The following OGDH variants were observed in gnomAD, a reference collection of about 807,000 sequenced individuals.
OGDH encodes 2-oxoglutarate dehydrogenase complex component E1.
A neutral mutation model predicts 116.6 loss-of-function variants in OGDH; 38 were observed. The ratio of observed to expected loss-of-function variants is 0.33; its 90% CI spans 0.25 to 0.43. The LOEUF (loss-of-function observed/expected upper bound fraction) is 0.43, where lower values mean the gene tolerates loss of function less well. OGDH is among the 20% of genes least tolerant of loss of function. The pLI, the probability that OGDH is intolerant of heterozygous loss-of-function variation, is 1.00. For synonymous variants in OGDH, 488 were observed against 533.3 expected (o/e 0.92, Z 1.17); for missense variants, 825 against 1,357.2 (o/e 0.61, Z 6.16).
At chr7:44,698,586 C>T (rs1410432964) in intron 18 of OGDH, among the ~76,000 whole-genome samples, 3 of 152,032 alleles carry the variant, frequency 2.0e-5, no homozygotes, top group African/African-American at 7.2e-5. Flanking sequence ...GGTCTGGAAG[C>T]CCTGAGGAGG....
chr7:44,654,124 G>A (rs993233233), intron 4 of OGDH, among the ~76,000 whole-genome samples: 3 of 152,106 alleles, frequency 2.0e-5, no homozygotes. Context: ...CAAAGTGCTG[G>A]GATTATAGGC....
At chr7:44,696,324 A>G in intron 13 of OGDH, 105 bp from the exon 14 acceptor site, 1 of 1,403,928 alleles carries the variant, frequency 7.1e-7, no homozygotes. Flanking sequence ...AGTGTGAGCT[A>G]CATTGTCTCT....
rs867217765 is a variant in OGDH at position 44,617,877 on chromosome 7, A to C, written c.-27-6440A>C. 5.9e-4 allele frequency among the ~76,000 whole-genome samples: 90 copies of C among 151,936 alleles called. 1 individual carries two copies. Among genetic ancestry groups the C allele is most frequent in the African/African-American group, 2.1e-3 (86 of 41,394 alleles). On this transcript the variant is annotated intron_variant, in intron 1 of 22. Coordinates refer to ENST00000222673, the MANE Select transcript of OGDH (RefSeq NM_002541.4). ...TTTGCTAGGTCTTGCCTTTTTAATC[A>C]CCCCCCTACCTAGCCAATGTCATAT... is the stretch of plus-strand genomic sequence containing the variant.
chr7:44,681,012 G>C (rs1307097953), intron 9 of OGDH, among the ~76,000 whole-genome samples: 2 of 152,202 alleles, frequency 1.3e-5, no homozygotes, highest in Non-Finnish European at 2.9e-5. Flanking sequence ...CTTCCTTGCA[G>C]AGAATGCCAA....
chr7:44,675,719 A>G (rs1437546866), intron 8 of OGDH, among the ~76,000 whole-genome samples: 2 of 151,946 alleles, frequency 1.3e-5, no homozygotes, highest in Non-Finnish European at 2.9e-5. Flanking sequence ...CTCTACTAAA[A>G]ATACAAAATT....
At position 44,673,766 on chromosome 7, in the gene OGDH, G is replaced by A. The variant is rs375150420; in HGVS notation, c.634-21G>A. The A allele has an allele frequency of 1.9e-6, 3 of 1,613,740 alleles. No homozygotes were observed. In the African/African-American group the frequency reaches 4.0e-5, roughly 22 times the overall value. On this transcript the variant is annotated intron_variant, in intron 5 of 22. Coordinates refer to ENST00000222673, the MANE Select transcript of OGDH (RefSeq NM_002541.4). Reference sequence around the variant, plus strand: ...GGCCTGGTTAGAAATCCCCTTGACTGTGTGTTTCTGTATGGAATAGATGGC... The same window carrying A: ...GGCCTGGTTAGAAATCCCCTTGACTATGTGTTTCTGTATGGAATAGATGGC...
At chr7:44,681,596 T>C in intron 9 of OGDH, 124 bp from the exon 10 acceptor site, 1 of 1,367,156 alleles carries the variant, frequency 7.3e-7, no homozygotes, top group Non-Finnish European at 1.0e-6. Context: ...TCCTGCTACT[T>C]TCTATGTTTG....
intron 2 of OGDH, among the ~76,000 whole-genome samples, chr7:44,643,436 A>G (rs1786038824): frequency 6.6e-6 from 1 of 152,250 alleles, no homozygotes; most frequent in Admixed American, 6.5e-5. Flanking sequence ...AGTATTCCAC[A>G]AAACTCCCCT....
intron 2 of OGDH, among the ~76,000 whole-genome samples, chr7:44,628,077 G>A (rs1785278708): frequency 6.6e-6 from 1 of 152,220 alleles, no homozygotes; most frequent in South Asian, 2.1e-4. Context: ...TGGTCACGCA[G>A]CTTCAACAGC....
At chr7:44,670,529 TGTA>T (rs1043344978) in intron 5 of OGDH, among the ~76,000 whole-genome samples, 17 of 152,132 alleles carry the variant, frequency 1.1e-4, no homozygotes, top group African/African-American at 3.4e-4. Flanking sequence ...TCTGCAGAAA[TGTA>T]GTTTCTTCTG....
intron 4 of OGDH, among the ~76,000 whole-genome samples, chr7:44,657,066 A>G (rs1786723152): frequency 6.6e-6 from 1 of 152,232 alleles, no homozygotes; most frequent in Non-Finnish European, 1.5e-5. Context: ...AGATTATTAT[A>G]GATCCATATG....
intron 3 of OGDH, 184 bp from the exon 4 acceptor site, chr7:44,647,473 T>G (rs1293647507): frequency 1.3e-6 from 2 of 1,538,448 alleles, no homozygotes; most frequent in African/African-American, 2.7e-5. Flanking sequence ...CAAAACTTGA[T>G]CCTCTCGGAA....
chr7:44,615,571 ATTG>A (rs1453771611), intron 1 of OGDH, among the ~76,000 whole-genome samples: 1 of 152,134 alleles, frequency 6.6e-6, no homozygotes, highest in Non-Finnish European at 1.5e-5. Flanking sequence ...CAGTAGAGCA[ATTG>A]TTGTTTAAAA....
chr7:44,691,173 A>C (rs182586611), intron 10 of OGDH, among the ~76,000 whole-genome samples: 37 of 152,290 alleles, frequency 2.4e-4, no homozygotes, highest in African/African-American at 8.4e-4. Flanking sequence ...ACATACTTAG[A>C]AATTCCCTTC....
intron 1 of OGDH, among the ~76,000 whole-genome samples, chr7:44,607,365 A>G (rs956801420): frequency 6.6e-6 from 1 of 152,186 alleles, no homozygotes; most frequent in African/African-American, 2.4e-5. Flanking sequence ...CTGAGATTTA[A>G]TAGAAAACTT....
rs2116368276 is a variant in OGDH, at chr7:44,697,870, T to C, written c.2358+88T>C. The C allele has an allele frequency of 6.9e-7, 1 of 1,445,388 alleles. No individual in the cohort carries two copies. The highest frequency in any genetic ancestry group is 9.3e-7 in the Non-Finnish European group (1 of 1,079,974). The allele number at this position is 1,445,388 out of a possible 1,614,324, so 89.5% of individuals were successfully genotyped here. A position where few individuals can be genotyped will look rare whatever the true frequency, so the allele number is the denominator to read the frequency against. ...CCCCAAAGACTGGCACGAGAGCCAG[T>C]GGCTCACACCAGCCTCCTAAGGACT... is the stretch of plus-strand genomic sequence containing the variant. On this transcript the variant is annotated intron_variant, in intron 17 of 22. Transcript: ENST00000222673. The surrounding 1 kb of genome is among the most constrained non-coding windows in gnomAD (Gnocchi z 6.0).
chr7:44,666,788 C>T lies in OGDH; in HGVS notation c.570C>T (p.Thr190=), dbSNP rs758526984. The part of the protein sequence containing the change: ...SDLDKVFHLP[T]TTFIGGQESA... ...TCGACAAGGTCTTCCACTTGCCCAC[C>T]ACCACTTTCATCGGGGGACAGGAAT... The change falls in exon 5 of 23, where the codon ACC becomes ACT. Residue 190 remains threonine (T), a synonymous_variant. Transcript: ENST00000222673. 6.2e-7 allele frequency: 1 copy of T among 1,613,324 alleles called. No individual in the cohort carries two copies. The highest frequency in any genetic ancestry group is 1.1e-5 in the South Asian group (1 of 90,930).
At chr7:44,689,488 C>G (rs975801299) in intron 10 of OGDH, among the ~76,000 whole-genome samples, 1 of 148,552 alleles carries the variant, frequency 6.7e-6, no homozygotes, top group Non-Finnish European at 1.5e-5. Flanking sequence ...ATCCACCTGC[C>G]TCAGCCTCCC....
At chr7:44,678,782 G>T (rs912233573) in intron 9 of OGDH, among the ~76,000 whole-genome samples, 19 of 152,276 alleles carry the variant, frequency 1.2e-4, no homozygotes, top group African/African-American at 4.6e-4. Context: ...ACACCCATAG[G>T]ACATGATTTG....
Sources: gnomAD v4.1 joint callset for allele counts (sites outside exome capture counted in the v4.1 genomes callset) on GRCh38, gnomAD v4.1.1 for gene constraint, Gnocchi (gnomAD v3.1) non-coding constraint, MANE v1.5 for transcripts, NCBI Gene and HGNC (gene_info 2026-07-23, HGNC 2026-07-21) for gene names.